Variants in ZNF839 observed in about 807,000 individuals in gnomAD.
ZNF839 encodes zinc finger protein 839, also known as renal carcinoma antigen NY-REN-50.
ZNF839 carries 38 observed loss-of-function variants against 56.4 expected under a neutral mutation model. The ratio of observed to expected loss-of-function variants is 0.67; its 90% CI spans 0.52 to 0.88. ZNF839 has a LOEUF of 0.88. Among genes scored for constraint, ZNF839 ranks in the 40% least tolerant of loss-of-function variants. The pLI, the probability that ZNF839 is intolerant of heterozygous loss-of-function variation, is 0.00. For missense variants in ZNF839, 1,091 were observed against 1,177.6 expected, an observed-to-expected ratio of 0.93 and a Z score of 1.08; for synonymous variants, 486 against 493.5, an observed-to-expected ratio of 0.98 and a Z score of 0.20.
chr14:102,317,813 G>T (rs1229345534), upstream of ZNF839: 1 of 152,050 alleles, frequency 6.6e-6, no homozygotes, highest in Non-Finnish European at 1.5e-5. Context: ...GACATCTTAG[G>T]CTTCACATTT....
chr14:102,338,759 T>C, intron 5 of ZNF839, 57 bp from the exon 6 acceptor site: 1 of 1,607,792 alleles, frequency 6.2e-7, no homozygotes, highest in Non-Finnish European at 8.5e-7. Context: ...GTGAATGTGC[T>C]TCTGGGGGTG....
In ZNF839 at chr14:102,319,939, C is replaced by T. The variant is rs2073030602; in HGVS notation, c.174C>T (p.Pro58=). The change falls in exon 1 of 8, where the codon CCC becomes CCT. Residue 58 remains proline, a synonymous_variant. Coordinates refer to ENST00000442396, the MANE Select transcript of ZNF839 (RefSeq NM_018335.6). The surrounding 1 kb of genome is among the most constrained non-coding windows in gnomAD (Gnocchi z 4.5). The part of the protein sequence containing the change: ...VTKAQPPPPP[P]PFVLRDAARR... ...AGGCGCAGCCGCCGCCGCCGCCGCC[C>T]CCCTTCGTGCTGCGGGACGCGGCGC... is the stretch of plus-strand genomic sequence containing the variant. The T allele has an allele frequency of 1.7e-6, 2 of 1,197,758 alleles. No homozygotes were observed. The highest frequency in any genetic ancestry group is 2.1e-6 in the Non-Finnish European group (2 of 965,336). The allele number at this position is 1,197,758 out of a possible 1,614,324, so 74.2% of individuals were successfully genotyped here. A position where few individuals can be genotyped will look rare whatever the true frequency, so the allele number is the denominator to read the frequency against.
chr14:102,330,072 G>T (rs2073697160), intron 2 of ZNF839, among the ~76,000 whole-genome samples: 1 of 152,056 alleles, frequency 6.6e-6, no homozygotes, highest in Non-Finnish European at 1.5e-5. Context: ...TAGGATTACA[G>T]GCGTGAGCCA....
At chr14:102,331,229 C>T (rs1240306325) in intron 2 of ZNF839, among the ~76,000 whole-genome samples, 1 of 152,136 alleles carries the variant, frequency 6.6e-6, no homozygotes, top group Non-Finnish European at 1.5e-5. Context: ...TTTAAAATGA[C>T]AGTCACATCA....
At chr14:102,339,542 C>A (rs1349649023) in intron 7 of ZNF839, among the ~76,000 whole-genome samples, 2 of 152,108 alleles carry the variant, frequency 1.3e-5, no homozygotes, top group Non-Finnish European at 2.9e-5. Flanking sequence ...GTCGGGAATT[C>A]GAGACCAGCC....
At position 102,342,096 on chromosome 14, in the gene ZNF839, C is replaced by T. The variant is rs756646995; in HGVS notation, c.2701C>T (p.Pro901Ser). The T allele has an allele frequency of 6.2e-7, 1 of 1,613,998 alleles. No individual in the cohort carries two copies. The highest frequency in any genetic ancestry group is 8.5e-7 in the Non-Finnish European group (1 of 1,179,904). ...IQTSDGLILS[P>S]PGTIVSQEED... ...GACTTCCGATGGGCTTATCTTGTCC[C>T]CTCCAGGTACAATAGTGTCTCAGGA... is the stretch of plus-strand genomic sequence containing the variant. Residue 901 changes from proline to serine, a missense_variant, in exon 8 of 8, where the codon CCT becomes TCT. Physicochemically the swap from Pro to Ser is moderately conservative, Grantham distance 74. Coordinates refer to ENST00000442396, the MANE Select transcript of ZNF839 (RefSeq NM_018335.6).
chr14:102,322,672 C>T (rs1437640906), intron 1 of ZNF839, among the ~76,000 whole-genome samples: 5 of 152,178 alleles, frequency 3.3e-5, no homozygotes, highest in Non-Finnish European at 7.3e-5. Context: ...TCAAATGATC[C>T]TCACACCTCA....
intron 2 of ZNF839, among the ~76,000 whole-genome samples, chr14:102,331,307 G>T (rs1358932997): frequency 6.6e-6 from 1 of 151,958 alleles, no homozygotes; most frequent in Non-Finnish European, 1.5e-5. Context: ...GGAGTGCAGT[G>T]GCACCATCTT....
At chr14:102,341,160 C>A in intron 7 of ZNF839, 163 bp from the exon 8 acceptor site, 1 of 619,604 alleles carries the variant, frequency 1.6e-6, no homozygotes, top group Non-Finnish European at 2.5e-6. Flanking sequence ...AGAATAGGGA[C>A]GTATTTTTTA....
At chr14:102,334,363 A>G (rs2073923903) in intron 3 of ZNF839, among the ~76,000 whole-genome samples, 191 bp from the exon 4 acceptor site, 1 of 152,272 alleles carries the variant, frequency 6.6e-6, no homozygotes, top group Non-Finnish European at 1.5e-5. Flanking sequence ...TGGGGGACCC[A>G]GAATGGATCA....
At chr14:102,322,239 T>C (rs2073166663) in intron 1 of ZNF839, among the ~76,000 whole-genome samples, 1 of 152,174 alleles carries the variant, frequency 6.6e-6, no homozygotes, top group Admixed American at 6.6e-5. Flanking sequence ...TTAGGGAAGC[T>C]TGTCTGCCTT....
Position 102,326,315 on chromosome 14 carries a change from A to T in ZNF839, c.619A>T (p.Thr207Ser). The T allele has an allele frequency of 6.2e-7, 1 of 1,611,726 alleles. No homozygotes were observed. The highest frequency in any genetic ancestry group is 8.5e-7 in the Non-Finnish European group (1 of 1,178,958). The change falls in exon 2 of 8, where the codon ACC becomes TCC. Residue 207 changes from threonine to serine, a missense_variant. Transcript: ENST00000442396. This position sits in a 1 kb window ranked among gnomAD's most constrained non-coding sequence, Gnocchi z 4.3. Reference sequence around the variant, plus strand: ...TCCAGATGAACAGGGCTCCATGTTGACCCCTTTGTCTGCCTCTGACCCGCT... The same window carrying T: ...TCCAGATGAACAGGGCTCCATGTTGTCCCCTTTGTCTGCCTCTGACCCGCT... Reference protein sequence around the residue: ...KAPDEQGSMLTPLSASDPLAV... With the variant: ...KAPDEQGSMLSPLSASDPLAV...
chr14:102,321,016 T>A (rs1262534173), intron 1 of ZNF839, among the ~76,000 whole-genome samples: 1 of 152,258 alleles, frequency 6.6e-6, no homozygotes, highest in Non-Finnish European at 1.5e-5. Flanking sequence ...GTTGAGTTTT[T>A]TTGACTGATG....
At position 102,336,723 on chromosome 14, in the gene ZNF839, T is replaced by A. The variant is rs1597729792; in HGVS notation, c.1659+885T>A. On this transcript the variant is annotated intron_variant, in intron 5 of 7. Transcript: ENST00000442396. Reference sequence around the variant, plus strand: ...ATGATCAGAGTTAAAACCTCAGGTATCATTTTCTTCTTTTTTTTTTTTTGT... The same window carrying A: ...ATGATCAGAGTTAAAACCTCAGGTAACATTTTCTTCTTTTTTTTTTTTTGT... 8.4e-6 allele frequency: 3 copies of A among 355,564 alleles called. No individual in the cohort carries two copies. In the East Asian group the frequency reaches 2.8e-4, roughly 33 times the overall value. 22.0% of individuals were successfully genotyped at this position (355,564 alleles called of 1,614,324 possible).
Position 102,342,337 on chromosome 14 carries a change from C to G in ZNF839, c.*158C>G. On this transcript the variant is annotated 3_prime_UTR_variant, in exon 8 of 8. Coordinates refer to ENST00000442396, the MANE Select transcript of ZNF839 (RefSeq NM_018335.6). ...TAATGTGAATATTGCACAGATGAAC[C>G]TTTTATTTATAAAGAATAATGTCTT... 1 of 831,148 alleles carries G rather than the reference C, an allele frequency of 1.2e-6. No homozygotes were observed. The highest frequency in any genetic ancestry group is 2.7e-5 in the East Asian group (1 of 37,548). 51.5% of individuals were successfully genotyped at this position (831,148 alleles called of 1,614,324 possible). A position where few individuals can be genotyped will look rare whatever the true frequency, so the allele number is the denominator to read the frequency against.
In ZNF839 at chr14:102,331,784, C is replaced by T; in HGVS notation, c.1354C>T (p.Pro452Ser). 3.8e-6 allele frequency: 6 copies of T among 1,597,006 alleles called. No individual in the cohort carries two copies. Among genetic ancestry groups the T allele is most frequent in the Non-Finnish European group, 5.1e-6 (6 of 1,172,398 alleles). Residue 452 changes from proline (P) to serine (S), a missense_variant, in exon 3 of 8, where the codon CCT becomes TCT. Physicochemically the swap from Pro to Ser is moderately conservative, Grantham distance 74. Coordinates refer to ENST00000442396, the MANE Select transcript of ZNF839 (RefSeq NM_018335.6). ...VLQQRRAAQL[P>S]GGPAAAGEQR... Reference sequence around the variant, plus strand: ...CCAGCAGAGAAGAGCTGCTCAGCTACCTGGTGGCCCTGCTGCGGCAGGGGA... The same window carrying T: ...CCAGCAGAGAAGAGCTGCTCAGCTATCTGGTGGCCCTGCTGCGGCAGGGGA...
At chr14:102,325,745 T>C (rs1181367115) in intron 1 of ZNF839, among the ~76,000 whole-genome samples, 1 of 152,178 alleles carries the variant, frequency 6.6e-6, no homozygotes, top group Non-Finnish European at 1.5e-5. Flanking sequence ...TCGGCCTGCC[T>C]TGGCCTCCCA....
chr14:102,329,417 C>G (rs1448019881), intron 2 of ZNF839, among the ~76,000 whole-genome samples: 3 of 151,248 alleles, frequency 2.0e-5, no homozygotes, highest in Admixed American at 2.0e-4. Context: ...TTCAGTCTGA[C>G]TCTGTTGCCC....
intron 2 of ZNF839, among the ~76,000 whole-genome samples, 174 bp downstream of exon 2, chr14:102,327,061 CAG>C (rs1340330189): frequency 6.6e-6 from 1 of 152,024 alleles, no homozygotes; most frequent in African/African-American, 2.4e-5. Context: ...CCTCGGGAAA[CAG>C]AGTCACGGTG....
Sources: allele counts gnomAD v4.1 joint callset (sites outside exome capture counted in the v4.1 genomes callset), GRCh38; gene constraint gnomAD v4.1.1; non-coding constraint Gnocchi (gnomAD v3.1); transcripts MANE v1.5; gene names NCBI Gene and HGNC (gene_info 2026-07-23, HGNC 2026-07-21).